Variants in CPLANE1 observed in about 807,000 individuals in gnomAD.
CPLANE1 encodes ciliogenesis and planar polarity effector complex subunit 1.
CPLANE1 carries 263 observed loss-of-function variants against 362.5 expected under a neutral mutation model. That is an observed-to-expected ratio of 0.73 (90% CI 0.66 to 0.80). The LOEUF (loss-of-function observed/expected upper bound fraction) is 0.80. Ranked by LOEUF, CPLANE1 falls within the 30% of genes least tolerant of loss-of-function variation. CPLANE1 has a pLI of 0.00. For synonymous variants in CPLANE1, 1,212 were observed against 1,302.6 expected, an observed-to-expected ratio of 0.93 and a Z score of 1.50; for missense variants, 3,461 against 3,793.4, an observed-to-expected ratio of 0.91 and a Z score of 2.30.
the CPLANE1 span, among the ~76,000 whole-genome samples, chr5:37,096,908 T>C: frequency 6.6e-6 from 1 of 151,744 alleles, no homozygotes; most frequent in Non-Finnish European, 1.5e-5. Flanking sequence ...CAAAAAACAA[T>C]AGATGTTGGC....
At chr5:37,237,767 G>A (rs1216500727) in intron 8 of CPLANE1, among the ~76,000 whole-genome samples, 3 of 152,122 alleles carry the variant, frequency 2.0e-5, no homozygotes, top group African/African-American at 7.2e-5. Context: ...GGAGAATGGC[G>A]TGAGCCCGGG....
chr5:37,180,915 T>C lies in CPLANE1; in HGVS notation c.5512A>G (p.Thr1838Ala), dbSNP rs76245173. 6.0e-3 allele frequency: 9,617 copies of C among 1,613,928 alleles called. 133 individuals carry two copies. The highest frequency in any genetic ancestry group is 0.054 in the African/African-American group (4,061 of 74,996). Reference sequence around the variant, plus strand: ...TTTCTTTCCTCAGTTCCACCTGGAGTTGCTACTGCAACTGAACCGCCAGCA... The same window carrying C: ...TTTCTTTCCTCAGTTCCACCTGGAGCTGCTACTGCAACTGAACCGCCAGCA... ...SDAGGSVAVA[T>A]PGGTEERNGQ... is the part of the protein sequence containing the mutation. Residue 1838 changes from threonine (T) to alanine (A), a missense_variant, in exon 27 of 53, where the codon ACT becomes GCT. By Grantham distance (58) the Thr-to-Ala change is moderately conservative. This residue lies in a region of CPLANE1 where 3,380 missense variants were observed against 3,666.1 expected (regional missense o/e 0.92). Coordinates refer to ENST00000651892, the MANE Select transcript of CPLANE1 (RefSeq NM_001384732.1).
chr5:37,227,082 T>C lies in CPLANE1; in HGVS notation c.1522-9A>G, dbSNP rs761499583. 116 of 1,531,214 alleles carry C rather than the reference T, an allele frequency of 7.6e-5. No homozygotes were observed. The highest frequency in any genetic ancestry group is 9.7e-5 in the Non-Finnish European group (110 of 1,138,808). 94.9% of individuals were successfully genotyped at this position (1,531,214 alleles called of 1,614,324 possible). On this transcript the variant is annotated splice_polypyrimidine_tract_variant and intron_variant, in intron 11 of 52. Coordinates refer to ENST00000651892, the MANE Select transcript of CPLANE1 (RefSeq NM_001384732.1). ...TCTTCTGCTTCAAAATCCTAAAACA[T>C]GAGGGGAAAAAAATGATACTTAATA... is the stretch of plus-strand genomic sequence containing the variant.
intron 46 of CPLANE1, among the ~76,000 whole-genome samples, chr5:37,133,220 G>A (rs1766504902): frequency 6.6e-6 from 1 of 152,076 alleles, no homozygotes. Flanking sequence ...CTCTGGCTTT[G>A]CTCTTTTTAC....
At chr5:37,123,008 A>C (rs1763098232) in intron 47 of CPLANE1, among the ~76,000 whole-genome samples, 1 of 152,232 alleles carries the variant, frequency 6.6e-6, no homozygotes, top group African/African-American at 2.4e-5. Context: ...GCTGCACTAA[A>C]AATGGAAAGT....
At chr5:37,153,314 T>TA (rs146707677) in intron 42 of CPLANE1, among the ~76,000 whole-genome samples, 31 of 152,280 alleles carry the variant, frequency 2.0e-4, no homozygotes, top group South Asian at 8.3e-4. Context: ...ACCAATCCTA[T>TA]AAAAAATTTT....
chr5:37,182,997 G>T lies in CPLANE1; in HGVS notation c.5184C>A (p.Asn1728Lys). 6.2e-7 allele frequency: 1 copy of T among 1,612,076 alleles called. No individual in the cohort carries two copies. Among genetic ancestry groups the T allele is most frequent in the Non-Finnish European group, 8.5e-7 (1 of 1,179,132 alleles). ...IFKAIQCNDINPQEDLPLALN... is the reference protein window; with the variant it reads ...IFKAIQCNDIKPQEDLPLALN... ...GTGCTAAAGGAAGATCTTCTTGAGG[G>T]TTAATATCATTGCACTGAATAGCTT... is the stretch of plus-strand genomic sequence containing the variant. The change falls in exon 26 of 53, where the codon AAC (asparagine) becomes AAA (lysine). Residue 1728 changes from asparagine to lysine, a missense_variant. Transcript: ENST00000651892.
rs77014998 is a variant in CPLANE1, at chr5:37,153,769, G to T, written c.8344C>A (p.Pro2782Thr). The T allele has an allele frequency of 0.011, 17,012 of 1,612,882 alleles. 115 individuals carry two copies. The highest frequency in any genetic ancestry group is 0.013 in the Non-Finnish European group (15,424 of 1,179,246). ...TCACAATGTAGATCTAGCATTTCAG[G>T]CTTGGGGAAATCCTGTTCTATGTTT... ...AENIEQDFPK[P>T]EMLDLHCDKI... The change falls in exon 42 of 53, where the codon CCT (proline) becomes ACT (threonine). Residue 2782 changes from proline to threonine, a missense_variant. By Grantham distance (38) the Pro-to-Thr change is conservative. Coordinates refer to ENST00000651892, the MANE Select transcript of CPLANE1 (RefSeq NM_001384732.1).
At chr5:37,123,360 TCA>T (rs139650439) in intron 47 of CPLANE1, among the ~76,000 whole-genome samples, 2,542 of 152,320 alleles carry the variant, frequency 0.017, 70 homozygotes, top group African/African-American at 0.059. Flanking sequence ...GGAGAAGTTG[TCA>T]CTAGCAAATT....
At chr5:37,097,796 CA>C in the CPLANE1 span, among the ~76,000 whole-genome samples, 5 of 152,084 alleles carry the variant, frequency 3.3e-5, no homozygotes, top group African/African-American at 1.2e-4. Context: ...AAGTCTCTCC[CA>C]AACAAAAATG....
rs1329786760 is a variant in CPLANE1 at position 37,129,947 on chromosome 5, T to C, written c.8793-4538A>G. On this transcript the variant is annotated intron_variant, in intron 46 of 52. Coordinates refer to ENST00000651892, the MANE Select transcript of CPLANE1 (RefSeq NM_001384732.1). ...TATGAAAAAGATACTTACACACGCA[T>C]GTTTATAGCAGCACAATTCGCAATT... Among the ~76,000 whole-genome samples the C allele has an allele frequency of 2.6e-5, 4 of 152,230 alleles. No individual in the cohort carries two copies. The East Asian group carries it at 5.8e-4, about 22-fold the overall frequency.
chr5:37,213,286 G>T (rs1173853731), intron 16 of CPLANE1, among the ~76,000 whole-genome samples: 1 of 151,944 alleles, frequency 6.6e-6, no homozygotes, highest in East Asian at 1.9e-4. Flanking sequence ...TCTCTAAAAA[G>T]AAATAATTAA....
Position 37,226,487 on chromosome 5 carries a change from T to C in CPLANE1, c.2108A>G (p.Tyr703Cys), listed in dbSNP as rs907149172. ...KMVADNLNGVYILQPEVISAS... is the reference protein window; with the variant it reads ...KMVADNLNGVCILQPEVISAS... ...TGAAATAACTTCAGGTTGAAGAATG[T>C]ATACACCATTTAAATTGTCAGCTAC... The change falls in exon 12 of 53, where the codon TAC becomes TGC. Residue 703 changes from tyrosine to cysteine, a missense_variant. Tyr to Cys is a radical substitution (Grantham distance 194). Transcript: ENST00000651892. 1.3e-6 allele frequency: 2 copies of C among 1,550,486 alleles called. No homozygotes were observed. The highest frequency in any genetic ancestry group is 1.7e-6 in the Non-Finnish European group (2 of 1,146,552).
intron 39 of CPLANE1, 62 bp from the exon 40 acceptor site, chr5:37,157,930 G>T: frequency 1.9e-5 from 1 of 53,270 alleles, no homozygotes; most frequent in Non-Finnish European, 3.5e-5. Context: ...TGGTCACTCC[G>T]CCAAAAAAAA....
intron 26 of CPLANE1, among the ~76,000 whole-genome samples, chr5:37,181,641 C>T (rs1046289204): frequency 2.6e-5 from 4 of 152,192 alleles, no homozygotes; most frequent in Middle Eastern, 6.8e-3. Context: ...AAAGGGAAAC[C>T]CTGTCTTTAT....
chr5:37,078,712 GTTA>G, the CPLANE1 span, among the ~76,000 whole-genome samples: 1 of 140,520 alleles, frequency 7.1e-6, no homozygotes, highest in African/African-American at 2.8e-5. Flanking sequence ...GGAAGCATCT[GTTA>G]TTTTTTTTTT....
At chr5:37,138,576 A>AT in intron 46 of CPLANE1, 144 bp downstream of exon 46, 1 of 861,008 alleles carries the variant, frequency 1.2e-6, no homozygotes, top group Non-Finnish European at 1.9e-6. Flanking sequence ...AGAATGACAC[A>AT]TATACATAAC....
chr5:37,182,033 A>G (rs1474132009), intron 26 of CPLANE1, among the ~76,000 whole-genome samples: 2 of 152,120 alleles, frequency 1.3e-5, no homozygotes, highest in African/African-American at 4.8e-5. Context: ...CGGAGGTTGC[A>G]GTGAGTTGAG....
chr5:37,186,950 G>T (rs945930907), intron 23 of CPLANE1, among the ~76,000 whole-genome samples: 2 of 151,414 alleles, frequency 1.3e-5, no homozygotes, highest in African/African-American at 4.9e-5. Flanking sequence ...GGTCCCAGCT[G>T]CTCGGAAGGC....
Sources: gnomAD v4.1 joint callset for allele counts (sites outside exome capture counted in the v4.1 genomes callset) on GRCh38, gnomAD v4.1.1 for gene constraint, gnomAD v4.1.1 regional missense constraint, MANE v1.5 for transcripts, NCBI Gene and HGNC (gene_info 2026-07-23, HGNC 2026-07-21) for gene names.